The following SLC25A21 variants were observed in gnomAD, a reference collection of about 807,000 sequenced individuals.
The protein encoded by SLC25A21 is solute carrier family 25 member 21, also known as mitochondrial 2-oxodicarboxylate carrier.
Under a neutral mutation model 43.8 loss-of-function variants are expected in SLC25A21, and 47 were observed. The observed-to-expected ratio is 1.07, with a 90% CI of 0.85 to 1.37. The LOEUF is 1.37. Ranked by LOEUF, SLC25A21 falls within the 40% of genes most tolerant of loss-of-function variation. The pLI, the probability that SLC25A21 is intolerant of heterozygous loss-of-function variation, is 0.00. For synonymous variants in SLC25A21, 131 were observed against 121.3 expected (o/e 1.08, Z -0.52); for missense variants, 352 against 350.2 (o/e 1.00, Z -0.04).
intron 1 of SLC25A21, among the ~76,000 whole-genome samples, chr14:36,976,673 A>C: frequency 6.6e-6 from 1 of 152,222 alleles, no homozygotes; most frequent in East Asian, 1.9e-4. Flanking sequence ...AGGCTGATGC[A>C]AGCCAGAATT....
intron 3 of SLC25A21, among the ~76,000 whole-genome samples, chr14:36,786,077 G>A (rs1055058592): frequency 2.0e-5 from 3 of 152,238 alleles, no homozygotes; most frequent in Non-Finnish European, 4.4e-5. Flanking sequence ...GCACCCTAGT[G>A]TATAAGCAAG....
intron 1 of SLC25A21, among the ~76,000 whole-genome samples, chr14:36,989,265 A>G (rs950441301): frequency 6.6e-6 from 1 of 152,142 alleles, no homozygotes; most frequent in African/African-American, 2.4e-5. Context: ...TGAGTGTGCA[A>G]TGATCCAGGT....
chr14:37,093,291 T>A (rs957996155), intron 1 of SLC25A21, among the ~76,000 whole-genome samples: 10 of 152,230 alleles, frequency 6.6e-5, no homozygotes, highest in African/African-American at 2.2e-4. Flanking sequence ...ATAATCTTTC[T>A]CCTGCTCACC....
intron 7 of SLC25A21, among the ~76,000 whole-genome samples, chr14:36,709,388 G>C (rs1466358161): frequency 6.6e-6 from 1 of 152,148 alleles, no homozygotes; most frequent in African/African-American, 2.4e-5. Flanking sequence ...AAATTATTTA[G>C]CAGGTTCCTC....
intron 1 of SLC25A21, among the ~76,000 whole-genome samples, chr14:37,145,485 G>C (rs1002508686): frequency 1.0e-5 from 1 of 98,454 alleles, no homozygotes; most frequent in Admixed American, 1.0e-4. Flanking sequence ...ACAGAGAGAT[G>C]AGCTAAATAA....
intron 1 of SLC25A21, among the ~76,000 whole-genome samples, chr14:37,171,665 CA>C (rs1004828729): frequency 2.6e-5 from 4 of 152,146 alleles, no homozygotes; most frequent in South Asian, 2.1e-4. Context: ...TTAATTACAA[CA>C]TTTTTTTCTA....
At chr14:36,895,158 G>T (rs554689845) in intron 1 of SLC25A21, among the ~76,000 whole-genome samples, 24 of 152,162 alleles carry the variant, frequency 1.6e-4, no homozygotes, top group Non-Finnish European at 2.9e-4. Flanking sequence ...CGGCTGTGAA[G>T]CCATCTGGTC....
intron 1 of SLC25A21, among the ~76,000 whole-genome samples, chr14:37,002,541 C>G (rs1960510974): frequency 1.3e-5 from 2 of 152,122 alleles, no homozygotes; most frequent in South Asian, 4.2e-4. Flanking sequence ...ACGTATACAA[C>G]TTTGAGCAAG....
At chr14:36,724,768 A>G (rs1884524046) in intron 6 of SLC25A21, among the ~76,000 whole-genome samples, 1 of 152,198 alleles carries the variant, frequency 6.6e-6, no homozygotes, top group Admixed American at 6.5e-5. Context: ...AGATTCAACC[A>G]AAAGACAAAT....
chr14:36,767,753 T>C (rs1320363970), intron 3 of SLC25A21, among the ~76,000 whole-genome samples: 3 of 152,180 alleles, frequency 2.0e-5, no homozygotes, highest in African/African-American at 4.8e-5. Context: ...TCAGGCTCTA[T>C]TGTAACTAAG....
chr14:36,797,630 C>T (rs557208697), intron 3 of SLC25A21, among the ~76,000 whole-genome samples: 3 of 152,308 alleles, frequency 2.0e-5, no homozygotes, highest in African/African-American at 7.2e-5. Context: ...TAGCATCTTC[C>T]TTTTCAAGGT....
chr14:37,144,203 T>A (rs1422848168), intron 1 of SLC25A21, among the ~76,000 whole-genome samples: 1 of 152,236 alleles, frequency 6.6e-6, no homozygotes, highest in Admixed American at 6.5e-5. Context: ...TCAGTAGTTG[T>A]CAATTAGGTG....
intron 7 of SLC25A21, among the ~76,000 whole-genome samples, chr14:36,697,751 C>CTTTTTTTTTTTTTTTTTTTTTTTTTTTT (rs1883096336): frequency 2.7e-5 from 2 of 73,952 alleles, no homozygotes; most frequent in African/African-American, 6.0e-5. Flanking sequence ...TTTTTTTTTG[C>CTTTTTTTTTTTTTTTTTTTTTTTTTTTT]TTTCCATTTG....
chr14:37,085,065 T>G (rs1962458485), intron 1 of SLC25A21, among the ~76,000 whole-genome samples: 1 of 152,216 alleles, frequency 6.6e-6, no homozygotes, highest in Non-Finnish European at 1.5e-5. Flanking sequence ...TGCATGATTA[T>G]TACTAAAAAT....
At chr14:36,729,615 A>G in intron 4 of SLC25A21, 49 bp from the exon 5 acceptor site, 2 of 1,495,188 alleles carry the variant, frequency 1.3e-6, no homozygotes, top group Non-Finnish European at 9.1e-7. Context: ...TTCCTGCAAC[A>G]AACTCTTTAA....
At chr14:36,724,412 G>T (rs1212174390) in intron 6 of SLC25A21, among the ~76,000 whole-genome samples, 2 of 152,176 alleles carry the variant, frequency 1.3e-5, no homozygotes, top group African/African-American at 4.8e-5. Flanking sequence ...GAGTGAGGGG[G>T]TCTCCACCCA....
chr14:36,895,360 T>G (rs1891208213), intron 1 of SLC25A21, among the ~76,000 whole-genome samples: 1 of 152,244 alleles, frequency 6.6e-6, no homozygotes, highest in African/African-American at 2.4e-5. Context: ...GATGGTAGTT[T>G]GTATTTCTGT....
intron 1 of SLC25A21, among the ~76,000 whole-genome samples, chr14:36,892,420 T>C (rs192386908): frequency 9.2e-5 from 14 of 152,246 alleles, no homozygotes; most frequent in African/African-American, 3.4e-4. Context: ...ATGTGGTATA[T>C]ATAAACAATG....
intron 1 of SLC25A21, among the ~76,000 whole-genome samples, chr14:36,996,482 A>T (rs1162616949): frequency 6.6e-6 from 1 of 152,208 alleles, no homozygotes; most frequent in Non-Finnish European, 1.5e-5. Context: ...GTGTGCCTCA[A>T]ATCCTCATCT....
Sources: gnomAD v4.1 joint callset for allele counts (sites outside exome capture counted in the v4.1 genomes callset) on GRCh38, gnomAD v4.1.1 for gene constraint, MANE v1.5 for transcripts, NCBI Gene and HGNC (gene_info 2026-07-23, HGNC 2026-07-21) for gene names.